The following CLIC5 variants were observed in gnomAD, a reference collection of about 807,000 sequenced individuals.
CLIC5 encodes the protein chloride intracellular channel protein 5.
Under a neutral mutation model 24.7 loss-of-function variants are expected in CLIC5, and 20 were observed. The ratio of observed to expected loss-of-function variants is 0.81; its 90% confidence interval spans 0.57 to 1.18. CLIC5 has a LOEUF of 1.18. CLIC5 is among the 50% of genes most tolerant of loss of function. The pLI, the probability that CLIC5 is intolerant of heterozygous loss-of-function variation, is 0.00. For missense variants in CLIC5, 341 were observed against 326.1 expected (o/e 1.05, Z -0.35); for synonymous variants, 159 against 135.6 (o/e 1.17, Z -1.20).
At chr6:46,000,640 T>A (rs1232730548) in intron 1 of CLIC5, among the ~76,000 whole-genome samples, 1 of 152,110 alleles carries the variant, frequency 6.6e-6, no homozygotes, top group Non-Finnish European at 1.5e-5. Context: ...AAACTTACAA[T>A]CATGGTAGAA....
chr6:46,017,281 T>C (rs1236677542), upstream of CLIC5, among the ~76,000 whole-genome samples: 2 of 152,258 alleles, frequency 1.3e-5, no homozygotes, highest in East Asian at 3.8e-4. Flanking sequence ...AAAACATGTA[T>C]TTGTTTAATA....
At chr6:45,957,300 C>T (rs1403553295) in intron 1 of CLIC5, among the ~76,000 whole-genome samples, 1 of 152,112 alleles carries the variant, frequency 6.6e-6, no homozygotes, top group Non-Finnish European at 1.5e-5. Context: ...AAAGGATTTA[C>T]ATATGTTATT....
chr6:45,920,126 C>T, intron 4 of CLIC5: 1 of 968,864 alleles, frequency 1.0e-6, no homozygotes, highest in Non-Finnish European at 1.2e-6. Flanking sequence ...CATGCCTTAC[C>T]TTCCAACTAA....
At chr6:45,994,564 C>T (rs1287411127) in intron 1 of CLIC5, among the ~76,000 whole-genome samples, 1 of 152,058 alleles carries the variant, frequency 6.6e-6, no homozygotes, top group East Asian at 1.9e-4. Context: ...CACATGTATA[C>T]CTATGGAACA....
chr6:45,969,164 G>A (rs190800123), intron 1 of CLIC5, among the ~76,000 whole-genome samples: 2 of 152,278 alleles, frequency 1.3e-5, no homozygotes, highest in Admixed American at 1.3e-4. Flanking sequence ...CACAGCACGG[G>A]CTGGATAAAT....
chr6:45,912,916 C>A (rs1252422136), intron 5 of CLIC5, among the ~76,000 whole-genome samples: 1 of 152,220 alleles, frequency 6.6e-6, no homozygotes, highest in African/African-American at 2.4e-5. Flanking sequence ...CCCTCTCAGT[C>A]TTCAGCTCTA....
Position 45,906,307 on chromosome 6 carries a change from T to C in CLIC5, c.589-3052A>G, listed in dbSNP as rs145633227. On this transcript the variant is annotated intron_variant, in intron 5 of 5. Transcript: ENST00000339561. ...AATCTGCATATTGCTTTGGACAGTA[T>C]GGCCATTTTATCAATATTATTTCTT... Among the ~76,000 whole-genome samples the C allele has an allele frequency of 1.9e-4, 29 of 152,318 alleles. No individual in the cohort carries two copies. The East Asian group carries it at 5.6e-3, about 29-fold the overall frequency.
chr6:46,034,952 C>T (rs920177328), intron 1 of CLIC5, among the ~76,000 whole-genome samples: 7 of 152,298 alleles, frequency 4.6e-5, no homozygotes, highest in South Asian at 2.1e-4. Context: ...TTCATAGTTT[C>T]CTTATCTGTA....
chr6:45,915,366 T>C (rs1308588510), intron 4 of CLIC5, among the ~76,000 whole-genome samples: 2 of 152,168 alleles, frequency 1.3e-5, no homozygotes, highest in African/African-American at 2.4e-5. Flanking sequence ...AAGACAAAGA[T>C]ATGCATCAGA....
At chr6:46,051,923 CA>C (rs1399034367) in intron 1 of CLIC5, among the ~76,000 whole-genome samples, 1 of 152,082 alleles carries the variant, frequency 6.6e-6, no homozygotes, top group Admixed American at 6.6e-5. Context: ...TGAGATAAAC[CA>C]TCATCTCCAC....
intron 1 of CLIC5, among the ~76,000 whole-genome samples, chr6:46,068,219 C>T (rs1218752671): frequency 1.3e-5 from 2 of 152,244 alleles, no homozygotes; most frequent in Non-Finnish European, 2.9e-5. Flanking sequence ...GTGGCCCTGA[C>T]AATACCCTAT....
chr6:46,078,442 C>T (rs926920597), intron 1 of CLIC5, among the ~76,000 whole-genome samples: 3 of 152,102 alleles, frequency 2.0e-5, no homozygotes, highest in Middle Eastern at 3.2e-3. Flanking sequence ...CGTGAATGCA[C>T]CTGTTCTAAC....
chr6:45,949,532 G>C lies in CLIC5; in HGVS notation c.174-151C>G, dbSNP rs1230474771. 3 of 813,166 alleles carry C rather than the reference G, an allele frequency of 3.7e-6. No individual in the cohort carries two copies. In the African/African-American group the frequency reaches 5.2e-5, roughly 14 times the overall value. The allele number at this position is 813,166 out of a possible 1,614,324, so 50.4% of individuals were successfully genotyped here. ...ATGGTATGCAGTATAGGGCAGGGGA[G>C]GTTGGAGAAAGTTCTGAAAGAATGT... On this transcript the variant is annotated intron_variant, in intron 2 of 5. Coordinates refer to ENST00000339561, the MANE Select transcript of CLIC5 (RefSeq NM_016929.5).
intron 3 of CLIC5, among the ~76,000 whole-genome samples, chr6:45,941,912 A>T (rs949744213): frequency 1.3e-5 from 2 of 152,196 alleles, no homozygotes; most frequent in Non-Finnish European, 2.9e-5. Flanking sequence ...AATGCCATTC[A>T]GGGGTCTCAG....
chr6:45,943,466 T>C (rs529023979), intron 3 of CLIC5, among the ~76,000 whole-genome samples: 1 of 152,368 alleles, frequency 6.6e-6, no homozygotes, highest in African/African-American at 2.4e-5. Context: ...CTAGGTAATC[T>C]ACCAAGACAC....
chr6:46,057,679 C>G (rs917050967), intron 1 of CLIC5, among the ~76,000 whole-genome samples: 7 of 152,184 alleles, frequency 4.6e-5, no homozygotes, highest in African/African-American at 1.7e-4. Flanking sequence ...AAGCGACAGC[C>G]CTGCAGGCAA....
intron 4 of CLIC5, among the ~76,000 whole-genome samples, chr6:45,922,335 GTT>G (rs1763297146): frequency 6.6e-6 from 1 of 152,168 alleles, no homozygotes; most frequent in African/African-American, 2.4e-5. Flanking sequence ...AGAATGGGGT[GTT>G]TTCTGATGTA....
chr6:45,892,333 T>C (rs983579467), intron 6 of CLIC5: 5 of 152,216 alleles, frequency 3.3e-5, no homozygotes, highest in Non-Finnish European at 7.3e-5. Context: ...TAACACTACT[T>C]GTGATATGGC....
intron 1 of CLIC5, among the ~76,000 whole-genome samples, chr6:45,967,811 C>A (rs1009915694): frequency 6.6e-6 from 1 of 151,920 alleles, no homozygotes; most frequent in Non-Finnish European, 1.5e-5. Flanking sequence ...GAGAGAGGAA[C>A]CAGGATCCTT....
Sources: gnomAD v4.1 joint callset for allele counts (sites outside exome capture counted in the v4.1 genomes callset) on GRCh38, gnomAD v4.1.1 for gene constraint, MANE v1.5 for transcripts, NCBI Gene and HGNC (gene_info 2026-07-23, HGNC 2026-07-21) for gene names.